The following ZFPM2 variants were observed in gnomAD, a reference collection of about 807,000 sequenced individuals.
ZFPM2 encodes the protein zinc finger protein, FOG family member 2.
Under a neutral mutation model 98.6 loss-of-function variants are expected in ZFPM2, and 20 were observed. The observed-to-expected ratio is 0.20, with a 90% CI of 0.14 to 0.29. The LOEUF (loss-of-function observed/expected upper bound fraction) is 0.29. Ranked by LOEUF, ZFPM2 falls within the 10% of genes least tolerant of loss-of-function variation. ZFPM2 has a pLI of 1.00. For synonymous variants in ZFPM2, 518 were observed against 502.7 expected (o/e 1.03, Z -0.41); for missense variants, 1,310 against 1,388.6 (o/e 0.94, Z 0.90).
chr8:105,530,974 T>C (rs1332915813), intron 3 of ZFPM2, among the ~76,000 whole-genome samples: 1 of 152,178 alleles, frequency 6.6e-6, no homozygotes, highest in Non-Finnish European at 1.5e-5. Context: ...GCTCAATATA[T>C]ATTTAATGAA....
At chr8:105,791,807 G>C (rs983796727) in intron 6 of ZFPM2, among the ~76,000 whole-genome samples, 3 of 152,056 alleles carry the variant, frequency 2.0e-5, no homozygotes, top group Non-Finnish European at 4.4e-5. Flanking sequence ...CTTCTTCCTG[G>C]TTTAGTCTTG....
chr8:105,617,020 GAAAAAAAAAAAAAAAAAAAAAAAA>G (rs773023421), intron 4 of ZFPM2, among the ~76,000 whole-genome samples: 27 of 28,138 alleles, frequency 9.6e-4, no homozygotes, highest in Non-Finnish European at 1.4e-3. Flanking sequence ...ACTCTGTCTC[GAAAAAAAAAAAAAAAAAAAAAAAA>G]AAAAAAAAAA....
intron 1 of ZFPM2, among the ~76,000 whole-genome samples, chr8:105,360,428 T>C (rs1812834100): frequency 6.6e-6 from 1 of 152,212 alleles, no homozygotes; most frequent in South Asian, 2.1e-4. Flanking sequence ...TTTTGGCAGA[T>C]ATAACATAGC....
At chr8:105,581,369 A>G (rs1471929219) in intron 4 of ZFPM2, among the ~76,000 whole-genome samples, 1 of 152,164 alleles carries the variant, frequency 6.6e-6, no homozygotes, top group Non-Finnish European at 1.5e-5. Context: ...ATACTTTGGA[A>G]CCAATCCTGC....
rs199862059 is a variant in ZFPM2 at position 105,788,803 on chromosome 8, A to G, written c.618A>G (p.Leu206=). 8.9e-5 allele frequency: 143 copies of G among 1,613,882 alleles called. No homozygotes were observed. The highest frequency in any genetic ancestry group is 1.2e-4 in the Non-Finnish European group (140 of 1,179,882). The part of the protein sequence containing the change: ...IAFVVDFDSR[L]QAASQMTLTE... ...TTGTGGTGGATTTTGACTCAAGGCT[A>G]CAAGCTGCCAGTCAGATGACTCTCA... The change falls in exon 6 of 8, where the codon CTA becomes CTG. Residue 206 remains leucine (L), a synonymous_variant. Coordinates refer to ENST00000407775, the MANE Select transcript of ZFPM2 (RefSeq NM_012082.4).
At chr8:105,597,933 A>T (rs1816004949) in intron 4 of ZFPM2, among the ~76,000 whole-genome samples, 1 of 152,064 alleles carries the variant, frequency 6.6e-6, no homozygotes, top group Non-Finnish European at 1.5e-5. Flanking sequence ...ATCAGATGAG[A>T]ACTCAAAAGG....
chr8:105,412,333 A>G (rs1811592737), intron 1 of ZFPM2, among the ~76,000 whole-genome samples: 1 of 151,822 alleles, frequency 6.6e-6, no homozygotes, highest in African/African-American at 2.4e-5. Context: ...CTCGTTTTTA[A>G]TAAACTTAAC....
intron 5 of ZFPM2, among the ~76,000 whole-genome samples, chr8:105,751,004 T>G (rs1448217797): frequency 1.3e-5 from 2 of 152,060 alleles, no homozygotes; most frequent in African/African-American, 2.4e-5. Flanking sequence ...TATGCAGACT[T>G]TTAAGTGAAT....
intron 2 of ZFPM2, among the ~76,000 whole-genome samples, chr8:105,436,541 A>G (rs999715943): frequency 2.6e-5 from 4 of 151,992 alleles, no homozygotes; most frequent in Non-Finnish European, 5.9e-5. Context: ...TTATGCAACC[A>G]TAATGAAGAA....
At chr8:105,331,686 A>T (rs890382055) in intron 1 of ZFPM2, among the ~76,000 whole-genome samples, 7 of 151,840 alleles carry the variant, frequency 4.6e-5, no homozygotes, top group Admixed American at 3.9e-4. Context: ...GGAAAATTTT[A>T]TGTATTCATG....
chr8:105,450,050 T>G (rs901285662), intron 3 of ZFPM2, among the ~76,000 whole-genome samples: 8 of 152,112 alleles, frequency 5.3e-5, no homozygotes, highest in Non-Finnish European at 1.0e-4. Flanking sequence ...AAATAAATTT[T>G]CAAAAATAAA....
intron 5 of ZFPM2, among the ~76,000 whole-genome samples, chr8:105,760,887 A>G (rs1021592936): frequency 5.9e-5 from 9 of 152,034 alleles, no homozygotes; most frequent in Non-Finnish European, 1.3e-4. Context: ...GATATTTTAT[A>G]TGCACAGATT....
chr8:105,420,391 A>C (rs1159122462), intron 2 of ZFPM2, among the ~76,000 whole-genome samples: 1 of 152,122 alleles, frequency 6.6e-6, no homozygotes, highest in East Asian at 1.9e-4. Context: ...GTCAACAAAA[A>C]AAGTCAGAAA....
intron 5 of ZFPM2, among the ~76,000 whole-genome samples, chr8:105,736,934 A>G (rs1304052980): frequency 6.6e-6 from 1 of 152,048 alleles, no homozygotes; most frequent in African/African-American, 2.4e-5. Context: ...AGCCACTGAT[A>G]TTTCATCGAC....
intron 1 of ZFPM2, among the ~76,000 whole-genome samples, chr8:105,398,779 C>T (rs1811275699): frequency 6.6e-6 from 1 of 152,042 alleles, no homozygotes; most frequent in Non-Finnish European, 1.5e-5. Context: ...CATATTGGTA[C>T]ATATGTATAC....
chr8:105,510,376 A>G (rs1429410648), intron 3 of ZFPM2, among the ~76,000 whole-genome samples: 2 of 150,004 alleles, frequency 1.3e-5, no homozygotes, highest in Non-Finnish European at 2.9e-5. Flanking sequence ...ACTTAGAAAT[A>G]TCAGGGCAGG....
At chr8:105,676,924 G>A (rs573564153) in intron 5 of ZFPM2, among the ~76,000 whole-genome samples, 1 of 152,026 alleles carries the variant, frequency 6.6e-6, no homozygotes, top group South Asian at 2.1e-4. Flanking sequence ...AATTAATATA[G>A]ATTCATTTCT....
At chr8:105,356,937 TCATTGC>T (rs1812759434) in intron 1 of ZFPM2, among the ~76,000 whole-genome samples, 1 of 152,356 alleles carries the variant, frequency 6.6e-6, no homozygotes, top group African/African-American at 2.4e-5. Context: ...TAACAGCATG[TCATTGC>T]CATTGCTGAA....
intron 3 of ZFPM2, among the ~76,000 whole-genome samples, chr8:105,525,116 C>T (rs542224959): frequency 3.3e-5 from 5 of 152,212 alleles, no homozygotes; most frequent in African/African-American, 1.2e-4. Context: ...TTTGTGACCC[C>T]TATTCTTTTA....
Sources: gnomAD v4.1 joint callset for allele counts (sites outside exome capture counted in the v4.1 genomes callset) on GRCh38, gnomAD v4.1.1 for gene constraint, MANE v1.5 for transcripts, NCBI Gene and HGNC (gene_info 2026-07-23, HGNC 2026-07-21) for gene names.